Variants in ZCCHC7 observed in about 807,000 individuals in gnomAD.
The protein encoded by ZCCHC7 is zinc finger CCHC-type containing 7, also known as zinc finger CCHC domain-containing protein 7.
In ZCCHC7, 35 loss-of-function variants were observed where a neutral mutation model predicts 52.0. That is an observed-to-expected ratio of 0.67 (90% CI 0.51 to 0.89). The LOEUF (loss-of-function observed/expected upper bound fraction) is 0.89. ZCCHC7 is among the 40% of genes least tolerant of loss of function. The pLI is 0.00. For missense variants in ZCCHC7, 574 were observed against 649.1 expected, an observed-to-expected ratio of 0.88 and a Z score of 1.26; for synonymous variants, 217 against 221.5, an observed-to-expected ratio of 0.98 and a Z score of 0.18.
intron 2 of ZCCHC7, among the ~76,000 whole-genome samples, chr9:37,142,127 C>T (rs1230488641): frequency 6.6e-6 from 1 of 151,530 alleles, no homozygotes; most frequent in East Asian, 1.9e-4. Flanking sequence ...GCTAAATTAA[C>T]ATAAAATAAT....
chr9:37,350,474 C>G (rs377629819), intron 7 of ZCCHC7, among the ~76,000 whole-genome samples: 30 of 152,168 alleles, frequency 2.0e-4, no homozygotes, highest in African/African-American at 7.0e-4. Context: ...TTCCCTGGTA[C>G]AATGTTCAGT....
chr9:37,181,185 G>A (rs187371151), intron 2 of ZCCHC7, among the ~76,000 whole-genome samples: 121 of 151,834 alleles, frequency 8.0e-4, no homozygotes, highest in African/African-American at 2.5e-3. Flanking sequence ...TTGTTATTTC[G>A]TTGTCCTTCC....
intron 2 of ZCCHC7, among the ~76,000 whole-genome samples, chr9:37,284,598 T>TA (rs3842216): frequency 7.3e-5 from 11 of 151,028 alleles, no homozygotes; most frequent in East Asian, 1.9e-4. Context: ...TTTAAATGGT[T>TA]AAAAAAAAAA....
intron 2 of ZCCHC7, among the ~76,000 whole-genome samples, chr9:37,136,774 C>G (rs1305221812): frequency 6.6e-6 from 1 of 152,060 alleles, no homozygotes; most frequent in East Asian, 1.9e-4. Flanking sequence ...ACCGCCCTGG[C>G]CCCACTTGAT....
intron 2 of ZCCHC7, among the ~76,000 whole-genome samples, chr9:37,230,130 A>G (rs1255544458): frequency 6.6e-6 from 1 of 152,186 alleles, no homozygotes; most frequent in Admixed American, 6.5e-5. Flanking sequence ...CCTCTGAGGG[A>G]CCTGTTTTAC....
At chr9:37,131,558 T>C (rs771260229) in intron 2 of ZCCHC7, among the ~76,000 whole-genome samples, 1 of 152,046 alleles carries the variant, frequency 6.6e-6, no homozygotes, top group Non-Finnish European at 1.5e-5. Context: ...GGAAGGAGAA[T>C]TGCTTCAACC....
chr9:37,352,537 A>T (rs1324362542), intron 7 of ZCCHC7, among the ~76,000 whole-genome samples: 82 of 31,734 alleles, frequency 2.6e-3, no homozygotes, highest in Non-Finnish European at 3.3e-3. Context: ...TTTTTTTTTG[A>T]GACAGAGTTT....
intron 2 of ZCCHC7, among the ~76,000 whole-genome samples, chr9:37,168,798 A>G (rs1016986349): frequency 9.2e-5 from 14 of 152,170 alleles, no homozygotes; most frequent in Non-Finnish European, 1.9e-4. Flanking sequence ...GGTTTATCAA[A>G]TACCCAGCCT....
chr9:37,275,704 G>A (rs755040898), intron 2 of ZCCHC7, among the ~76,000 whole-genome samples: 1 of 152,070 alleles, frequency 6.6e-6, no homozygotes, highest in Non-Finnish European at 1.5e-5. Flanking sequence ...TTGCAATGGC[G>A]TGATCTCAGC....
rs544934798 is a variant in ZCCHC7 at position 37,169,667 on chromosome 9, G to A, written c.610+42725G>A. 1.2e-3 allele frequency among the ~76,000 whole-genome samples: 178 copies of A among 152,204 alleles called. 1 individual carries two copies. Among genetic ancestry groups the A allele is most frequent in the Middle Eastern group, 3.4e-3 (1 of 294 alleles). ...TTATAACATGGGGTTTTTGTTGTGTGTATATACTAGCATTCCTTTGGACAC... is the reference window on the plus strand; with the variant it reads ...TTATAACATGGGGTTTTTGTTGTGTATATATACTAGCATTCCTTTGGACAC... On this transcript the variant is annotated intron_variant, in intron 2 of 8. Transcript: ENST00000336755.
intron 2 of ZCCHC7, among the ~76,000 whole-genome samples, chr9:37,259,767 C>G (rs1826775834): frequency 6.6e-6 from 1 of 152,166 alleles, no homozygotes; most frequent in South Asian, 2.1e-4. Context: ...TGTACAACTT[C>G]CAAGAAACCA....
At position 37,327,834 on chromosome 9, in the gene ZCCHC7, G is replaced by C; in HGVS notation, c.987G>C (p.Thr329=). ...AAATCTGGAGGCAGTATCACCTAACGGTGAGTAGAAACACCTTTTTTATTT... is the reference window on the plus strand; with the variant it reads ...AAATCTGGAGGCAGTATCACCTAACCGTGAGTAGAAACACCTTTTTTATTT... The part of the protein sequence containing the change: ...CTEIWRQYHL[T]TKPGPPKKPK... The change falls in exon 6 of 9, where the codon ACG becomes ACC. Residue 329 remains threonine, a splice_region_variant and synonymous_variant. Coordinates refer to ENST00000336755, the MANE Select transcript of ZCCHC7 (RefSeq NM_032226.3). The C allele has an allele frequency of 6.2e-7, 1 of 1,612,760 alleles. No individual in the cohort carries two copies.
rs1365836432 is a variant in ZCCHC7 at position 37,357,219 on chromosome 9, A to T, written c.1583A>T (p.Asp528Val). The change falls in exon 9 of 9, where the codon GAT becomes GTT. Residue 528 changes from aspartate to valine, a missense_variant. By Grantham distance (152) the Asp-to-Val change is radical (BLOSUM62 -3). Around this residue, in one of 3 missense-constraint regions of ZCCHC7, gnomAD observed 168 missense variants for 171.6 expected, o/e 0.98. Coordinates refer to ENST00000336755, the MANE Select transcript of ZCCHC7 (RefSeq NM_032226.3). The stretch of plus-strand genomic sequence containing the variant: ...AAAAAGGAGAGGTGCTGGGAAGATG[A>T]TGACAATGATAACTTATTTCTTATT... ...QKKKERCWED[D>V]DNDNLFLIKQ... 6.2e-7 allele frequency: 1 copy of T among 1,610,398 alleles called. No individual in the cohort carries two copies.
chr9:37,163,410 G>GAA (rs1267692798), intron 2 of ZCCHC7, among the ~76,000 whole-genome samples: 1 of 138,614 alleles, frequency 7.2e-6, no homozygotes, highest in African/African-American at 2.7e-5. Flanking sequence ...AAAAAGAAAA[G>GAA]AAAAAAATAG....
At chr9:37,199,674 CTCTGTCTGTCTGTCTT>C (rs1554711094) in intron 2 of ZCCHC7, among the ~76,000 whole-genome samples, 1 of 68,554 alleles carries the variant, frequency 1.5e-5, no homozygotes, top group South Asian at 4.6e-4. Flanking sequence ...CTGTCTTTCT[CTCTGTCTGTCTGTCTT>C]TCTGTCTGTC....
chr9:37,175,969 G>T (rs1283730922), intron 2 of ZCCHC7, among the ~76,000 whole-genome samples: 1 of 152,208 alleles, frequency 6.6e-6, no homozygotes, highest in Non-Finnish European at 1.5e-5. Flanking sequence ...AAAAATGTAA[G>T]AGGTTGAACA....
rs147487302 is a variant in ZCCHC7 at position 37,270,053 on chromosome 9, A to G, written c.611-32135A>G. Among the ~76,000 whole-genome samples the G allele has an allele frequency of 9.0e-4, 137 of 152,344 alleles. 1 individual carries two copies. The highest frequency in any genetic ancestry group is 3.3e-3 in the African/African-American group (136 of 41,570). On this transcript the variant is annotated intron_variant, in intron 2 of 8. Transcript: ENST00000336755. ...TATCTGGTCTGAATTGAGATGTGTT[A>G]TAGTCTAAAGACTGAAAAAAGGCTG...
At position 37,354,706 on chromosome 9, in the gene ZCCHC7, A is replaced by G; in HGVS notation, c.1084-4A>G. 6.3e-7 allele frequency: 1 copy of G among 1,594,162 alleles called. No individual in the cohort carries two copies. Among genetic ancestry groups the G allele is most frequent in the Non-Finnish European group, 8.6e-7 (1 of 1,163,072 alleles). ...GACATCATAATTTTACATACAATTT[A>G]TAGGAATGTCCAGAAAGAGAAGTGT... On this transcript the variant is annotated splice_region_variant and splice_polypyrimidine_tract_variant and intron_variant, in intron 7 of 8. Transcript: ENST00000336755. This position sits in a 1 kb window ranked among gnomAD's most constrained non-coding sequence, Gnocchi z 4.0.
At chr9:37,172,861 A>T (rs1455219191) in intron 2 of ZCCHC7, among the ~76,000 whole-genome samples, 1 of 151,678 alleles carries the variant, frequency 6.6e-6, no homozygotes, top group Non-Finnish European at 1.5e-5. Flanking sequence ...TGAGCGAGCA[A>T]CATGGGCATT....
Sources: allele counts gnomAD v4.1 joint callset (sites outside exome capture counted in the v4.1 genomes callset), GRCh38; gene constraint gnomAD v4.1.1; regional missense constraint gnomAD v4.1.1; non-coding constraint Gnocchi (gnomAD v3.1); transcripts MANE v1.5; gene names NCBI Gene and HGNC (gene_info 2026-07-23, HGNC 2026-07-21).